Variants in SAP130 observed in about 807,000 individuals in gnomAD.
The protein encoded by SAP130 is histone deacetylase complex subunit SAP130.
In SAP130, 16 loss-of-function variants were observed where a neutral mutation model predicts 103.2. The ratio of observed to expected loss-of-function variants is 0.16; its 90% CI spans 0.10 to 0.24. The LOEUF (loss-of-function observed/expected upper bound fraction) is 0.24. SAP130 is among the 10% of genes least tolerant of loss of function. SAP130 has a pLI of 1.00. For missense variants in SAP130, 990 were observed against 1,359.7 expected, an observed-to-expected ratio of 0.73 and a Z score of 4.28; for synonymous variants, 477 against 497.0, an observed-to-expected ratio of 0.96 and a Z score of 0.53.
chr2:128,002,961 T>A (rs1683670893), intron 7 of SAP130, among the ~76,000 whole-genome samples: 1 of 151,940 alleles, frequency 6.6e-6, no homozygotes, highest in Non-Finnish European at 1.5e-5. Context: ...ATTCCACCTC[T>A]ACTAAAAATA....
intron 7 of SAP130, among the ~76,000 whole-genome samples, chr2:128,003,824 C>A (rs1683749065): frequency 6.6e-6 from 1 of 152,026 alleles, no homozygotes; most frequent in African/African-American, 2.4e-5. Context: ...GACTCAGCAT[C>A]CCCAATCCAA....
Position 127,996,205 on chromosome 2 carries a change from T to A in SAP130, c.1355+145A>T. Reference sequence around the variant, plus strand: ...AAAAAATCGCACATAAAAAAAGGAATTATACGAAGTGTTACTTTCAGGGGA... The same window carrying A: ...AAAAAATCGCACATAAAAAAAGGAAATATACGAAGTGTTACTTTCAGGGGA... On this transcript the variant is annotated intron_variant, in intron 11 of 20. Transcript: ENST00000643581. This position sits in a 1 kb window ranked among gnomAD's most constrained non-coding sequence, Gnocchi z 4.3. 2 of 678,328 alleles carry A rather than the reference T, an allele frequency of 2.9e-6. No homozygotes were observed. Among genetic ancestry groups the A allele is most frequent in the Non-Finnish European group, 4.3e-6 (2 of 470,428 alleles). The allele number at this position is 678,328 out of a possible 1,614,324, so 42.0% of individuals were successfully genotyped here.
At position 127,989,967 on chromosome 2, in the gene SAP130, G is replaced by C; in HGVS notation, c.1478-101C>G. The C allele has an allele frequency of 9.7e-7, 1 of 1,030,036 alleles. No homozygotes were observed. The highest frequency in any genetic ancestry group is 2.8e-4 in the Middle Eastern group (1 of 3,630). The allele number at this position is 1,030,036 out of a possible 1,614,324, so 63.8% of individuals were successfully genotyped here. On this transcript the variant is annotated intron_variant, in intron 12 of 20. Transcript: ENST00000643581. This position sits in a 1 kb window ranked among gnomAD's most constrained non-coding sequence, Gnocchi z 4.6. Reference sequence around the variant, plus strand: ...AAAACGGATTTCCTCCACTGTATAAGATCTAAATCCATGGTTTGAAAAAAA... The same window carrying C: ...AAAACGGATTTCCTCCACTGTATAACATCTAAATCCATGGTTTGAAAAAAA...
At chr2:127,993,346 T>C (rs1682949824) in intron 11 of SAP130, 38 bp from the exon 12 acceptor site, 5 of 1,566,852 alleles carry the variant, frequency 3.2e-6, no homozygotes, top group African/African-American at 1.4e-5. Flanking sequence ...AAAATAGTCA[T>C]TTTCTTCTTT....
At chr2:128,018,103 A>G (rs534763580) in intron 2 of SAP130, among the ~76,000 whole-genome samples, 188 bp from the exon 3 acceptor site, 23 of 152,306 alleles carry the variant, frequency 1.5e-4, no homozygotes, top group African/African-American at 3.8e-4. Flanking sequence ...AAGAGCCACA[A>G]CTGTGGAATA....
At chr2:128,012,992 C>G (rs2105182249) in intron 6 of SAP130, 38 bp downstream of exon 6, 1 of 1,574,378 alleles carries the variant, frequency 6.4e-7, no homozygotes, top group East Asian at 2.3e-5. Context: ...ATGAATAACT[C>G]CAATGAGGCC....
chr2:127,949,305 G>A (rs1679333180), intron 18 of SAP130, among the ~76,000 whole-genome samples: 1 of 152,116 alleles, frequency 6.6e-6, no homozygotes. Context: ...ATATTTGCAG[G>A]TATTTGCAAA....
At chr2:127,962,843 C>T (rs904110164) in intron 15 of SAP130, among the ~76,000 whole-genome samples, 11 of 148,962 alleles carry the variant, frequency 7.4e-5, no homozygotes, top group Admixed American at 4.7e-4. Context: ...CAAACCTGCA[C>T]GTTGTGCACA....
In SAP130 at chr2:128,023,035, C is replaced by T. The variant is rs372087582; in HGVS notation, c.112+3146G>A. The stretch of plus-strand genomic sequence containing the variant: ...TTGAGACGGAATCTTGCTTTGTTGC[C>T]CAGGCTGAAGTGCAGTGGCGCTATC... On this transcript the variant is annotated intron_variant, in intron 2 of 20. Coordinates refer to ENST00000643581, the MANE Select transcript of SAP130 (RefSeq NM_001330301.2). Among the ~76,000 whole-genome samples, 48 of 151,716 alleles carry T rather than the reference C, an allele frequency of 3.2e-4. No homozygotes were observed. The South Asian group carries it at 7.9e-3, about 25-fold the overall frequency.
intron 6 of SAP130, among the ~76,000 whole-genome samples, chr2:128,011,036 C>T (rs960713627): frequency 1.3e-5 from 2 of 151,720 alleles, no homozygotes; most frequent in African/African-American, 4.8e-5. Context: ...TTCTGCCCTA[C>T]TATTGGTACC....
intron 1 of SAP130, chr2:128,026,962 G>T: frequency 1.1e-6 from 1 of 872,520 alleles, no homozygotes. Flanking sequence ...ACCCCACCGC[G>T]AAGCCCCCGC....
At position 127,991,901 on chromosome 2, in the gene SAP130, G is replaced by A. The variant is rs114835633; in HGVS notation, c.1477+1286C>T. On this transcript the variant is annotated intron_variant, in intron 12 of 20. Coordinates refer to ENST00000643581, the MANE Select transcript of SAP130 (RefSeq NM_001330301.2). ...CAAGTGCTCTGTGGCCACACATGCC[G>A]CTGGCTGCCATATAGCACCGTGTGG... Among the ~76,000 whole-genome samples the A allele has an allele frequency of 8.9e-4, 135 of 152,302 alleles. 1 individual carries two copies. Among genetic ancestry groups the A allele is most frequent in the African/African-American group, 2.8e-3 (115 of 41,566 alleles).
Position 128,017,824 on chromosome 2 carries a change from C to G in SAP130, c.204G>C (p.Glu68Asp). The G allele has an allele frequency of 6.2e-7, 1 of 1,614,244 alleles. No individual in the cohort carries two copies. The highest frequency in any genetic ancestry group is 8.5e-7 in the Non-Finnish European group (1 of 1,180,040). Residue 68 changes from glutamate to aspartate, a missense_variant, in exon 3 of 21, where the codon GAG becomes GAC. By Grantham distance (45) the Glu-to-Asp change is conservative. Around this residue, in one of 6 missense-constraint regions of SAP130, gnomAD observed 167 missense variants for 187.4 expected, o/e 0.89. Coordinates refer to ENST00000643581, the MANE Select transcript of SAP130 (RefSeq NM_001330301.2). ...GTGGATAGGGCCTTACCACAACAGG[C>G]TCTTGCTTCTCCTCCCGGGACTGGA... ...SSLQSREEKQ[E>D]PVVVRPYPQV...
chr2:127,967,273 A>C (rs920295274), intron 15 of SAP130, among the ~76,000 whole-genome samples: 6 of 152,266 alleles, frequency 3.9e-5, no homozygotes, highest in Non-Finnish European at 8.8e-5. Context: ...TCATACCACA[A>C]TAAAGAGAAA....
intron 7 of SAP130, among the ~76,000 whole-genome samples, chr2:128,001,905 C>A (rs1683587668): frequency 6.6e-6 from 1 of 151,928 alleles, no homozygotes; most frequent in African/African-American, 2.4e-5. Context: ...CAATATGCGT[C>A]CATTACCAGA....
chr2:127,962,776 C>T (rs1680348894), intron 15 of SAP130, among the ~76,000 whole-genome samples: 1 of 151,450 alleles, frequency 6.6e-6, no homozygotes, highest in Non-Finnish European at 1.5e-5. Flanking sequence ...ATACCTAATG[C>T]TAAATGACAA....
In SAP130 at chr2:127,953,932, T is replaced by C. The variant is rs1466713152; in HGVS notation, c.2422+1054A>G. ...AGTCATCTTTTTGCTTTTGTCTCCC[T>C]TGCTAGAATGTAAGACCTAAGAGGA... On this transcript the variant is annotated intron_variant, in intron 16 of 20. Coordinates refer to ENST00000643581, the MANE Select transcript of SAP130 (RefSeq NM_001330301.2). The surrounding 1 kb of genome is among the most constrained non-coding windows in gnomAD (Gnocchi z 4.0). Among the ~76,000 whole-genome samples, 1 of 152,200 alleles carries C rather than the reference T, an allele frequency of 6.6e-6. No homozygotes were observed. The highest frequency in any genetic ancestry group is 6.5e-5 in the Admixed American group (1 of 15,274).
At chr2:127,960,160 T>A (rs1452859874) in intron 15 of SAP130, among the ~76,000 whole-genome samples, 1 of 152,238 alleles carries the variant, frequency 6.6e-6, no homozygotes, top group Non-Finnish European at 1.5e-5. Flanking sequence ...TGTTTTCTGA[T>A]ATGCCAAGTA....
intron 7 of SAP130, among the ~76,000 whole-genome samples, chr2:128,005,152 A>C (rs537552047): frequency 9.8e-5 from 15 of 152,360 alleles, no homozygotes; most frequent in Admixed American, 2.6e-4. Context: ...CAACAGAAGA[A>C]GACAAAATAT....
Sources: allele counts gnomAD v4.1 joint callset (sites outside exome capture counted in the v4.1 genomes callset), GRCh38; gene constraint gnomAD v4.1.1; regional missense constraint gnomAD v4.1.1; non-coding constraint Gnocchi (gnomAD v3.1); transcripts MANE v1.5; gene names NCBI Gene and HGNC (gene_info 2026-07-23, HGNC 2026-07-21).